Variants in ADAM17 observed in about 807,000 individuals in gnomAD.
ADAM17 encodes the protein ADAM metallopeptidase domain 17.
In ADAM17, 39 loss-of-function variants were observed where a neutral mutation model predicts 96.7. The ratio of observed to expected loss-of-function variants is 0.40; its 90% CI spans 0.31 to 0.53. The LOEUF is 0.53. ADAM17 is among the 20% of genes least tolerant of loss of function. ADAM17 has a pLI of 0.44. For missense variants in ADAM17, 777 were observed against 1,013.2 expected (o/e 0.77, Z 3.17); for synonymous variants, 344 against 359.2 (o/e 0.96, Z 0.48).
At chr2:9,505,596 A>T in intron 11 of ADAM17, 1 of 536,454 alleles carries the variant, frequency 1.9e-6, no homozygotes, top group Middle Eastern at 5.1e-4. Flanking sequence ...AGGATCTATA[A>T]TTCTTCTTAC....
chr2:9,490,961 A>G, intron 18 of ADAM17, 140 bp downstream of exon 18: 1 of 708,190 alleles, frequency 1.4e-6, no homozygotes, highest in Non-Finnish European at 2.4e-6. Context: ...AGAAGGGTAA[A>G]CATTCCAACC....
In ADAM17 at chr2:9,488,540, T is replaced by C. The variant is rs1243085592; in HGVS notation, c.*1637A>G. 4.6e-5 allele frequency: 18 copies of C among 387,846 alleles called. No homozygotes were observed. Among genetic ancestry groups the C allele is most frequent in the Non-Finnish European group, 8.2e-5 (18 of 220,122 alleles). The allele number at this position is 387,846 out of a possible 1,614,324, so 24.0% of individuals were successfully genotyped here. ...ATATCAGTGCTACAGCTATAAAATA[T>C]ACCCTGAGCAGCTTGTTAATTCTAT... On this transcript the variant is annotated 3_prime_UTR_variant, in exon 19 of 19. Coordinates refer to ENST00000310823, the MANE Select transcript of ADAM17 (RefSeq NM_003183.6).
At chr2:9,494,510 TAAC>T in intron 15 of ADAM17, 124 bp downstream of exon 15, 1 of 1,100,018 alleles carries the variant, frequency 9.1e-7, no homozygotes, top group Admixed American at 2.4e-5. Context: ...TACCCGTAGA[TAAC>T]AATGGGCCAG....
intron 14 of ADAM17, among the ~76,000 whole-genome samples, chr2:9,495,648 A>T (rs1413874915): frequency 6.6e-6 from 1 of 150,720 alleles, no homozygotes; most frequent in Non-Finnish European, 1.5e-5. Flanking sequence ...CGGGAGGCGG[A>T]GGCTGCGGTG....
chr2:9,528,675 T>G (rs1350261891), intron 4 of ADAM17, among the ~76,000 whole-genome samples: 1 of 152,150 alleles, frequency 6.6e-6, no homozygotes, highest in African/African-American at 2.4e-5. Flanking sequence ...AGGCAGTTTG[T>G]GGGGGGACAC....
At chr2:9,491,818 G>T (rs1298556993) in intron 17 of ADAM17, among the ~76,000 whole-genome samples, 3 of 152,216 alleles carry the variant, frequency 2.0e-5, no homozygotes, top group Non-Finnish European at 4.4e-5. Context: ...AACAAGCCAT[G>T]GCCCTCCCTC....
At chr2:9,505,986 A>G (rs936465843) in intron 11 of ADAM17, among the ~76,000 whole-genome samples, 2 of 152,156 alleles carry the variant, frequency 1.3e-5, no homozygotes, top group African/African-American at 2.4e-5. Flanking sequence ...AAGTCTCTAC[A>G]CTACCTTCCC....
At chr2:9,494,953 C>A (rs1383103044) in intron 14 of ADAM17, 186 bp from the exon 15 acceptor site, 2 of 572,678 alleles carry the variant, frequency 3.5e-6, no homozygotes, top group East Asian at 6.4e-5. Context: ...CCTCAGCCTT[C>A]AGTGACAGAG....
At chr2:9,525,021 T>A in intron 6 of ADAM17, among the ~76,000 whole-genome samples, 1 of 147,498 alleles carries the variant, frequency 6.8e-6, no homozygotes. Context: ...AACAAAGAAG[T>A]AAAATAAGAG....
At position 9,521,283 on chromosome 2, in the gene ADAM17, G is replaced by A. The variant is rs1664297810; in HGVS notation, c.877C>T (p.Pro293Ser). 1.9e-6 allele frequency: 3 copies of A among 1,611,230 alleles called. No homozygotes were observed. The highest frequency in any genetic ancestry group is 2.5e-6 in the Non-Finnish European group (3 of 1,177,636). The change falls in exon 8 of 19, where the codon CCT (proline) becomes TCT (serine). Residue 293 changes from proline (P) to serine (S), a missense_variant. Coordinates refer to ENST00000310823, the MANE Select transcript of ADAM17 (RefSeq NM_003183.6). ...RILKSPQEVK[P>S]GEKHYNMAKS... ...GCCATGTTGTAGTGCTTTTCACCAG[G>A]TTTTACCTCTTGTGGAGACTTGAGA...
At chr2:9,494,841 C>G (rs1662445739) in intron 14 of ADAM17, 74 bp from the exon 15 acceptor site, 2 of 1,562,840 alleles carry the variant, frequency 1.3e-6, no homozygotes, top group South Asian at 2.3e-5. Flanking sequence ...TCTTTCCTCC[C>G]TGACCATGCT....
intron 14 of ADAM17, among the ~76,000 whole-genome samples, chr2:9,495,077 T>C (rs1019162377): frequency 6.6e-6 from 1 of 152,228 alleles, no homozygotes; most frequent in South Asian, 2.1e-4. Context: ...TTCTAAATGC[T>C]TCCCTTTGTC....
intron 11 of ADAM17, 178 bp from the exon 12 acceptor site, chr2:9,505,543 C>G (rs547695124): frequency 1.6e-6 from 1 of 624,542 alleles, no homozygotes; most frequent in South Asian, 2.0e-5. Flanking sequence ...GAACTGGGAA[C>G]CTCCCTCCAT....
rs1481205481 is a variant in ADAM17, at chr2:9,504,287, T to C, written c.1544+879A>G. On this transcript the variant is annotated intron_variant, in intron 12 of 18. Transcript: ENST00000310823. ...TGCTAAAACTCCGTCTCTACTAAAA[T>C]ACAAAAAATCAGCCAGGCGTGATGG... is the stretch of plus-strand genomic sequence containing the variant. Among the ~76,000 whole-genome samples, 3 of 148,834 alleles carry C rather than the reference T, an allele frequency of 2.0e-5. No individual in the cohort carries two copies. The East Asian group carries it at 6.0e-4, about 30-fold the overall frequency.
intron 7 of ADAM17, chr2:9,522,379 G>C: frequency 1.8e-6 from 1 of 563,638 alleles, no homozygotes; most frequent in Non-Finnish European, 3.3e-6. Context: ...TAAACAGGCT[G>C]CAGAGACTTA....
At chr2:9,493,078 C>G (rs1454302604) in intron 16 of ADAM17, 92 bp from the exon 17 acceptor site, 11 of 1,058,290 alleles carry the variant, frequency 1.0e-5, no homozygotes, top group Admixed American at 1.0e-4. Flanking sequence ...GTGTCAAATG[C>G]CAGAGCTGCT....
intron 17 of ADAM17, among the ~76,000 whole-genome samples, chr2:9,491,820 C>T (rs1160315815): frequency 6.6e-6 from 1 of 152,210 alleles, no homozygotes; most frequent in African/African-American, 2.4e-5. Context: ...CAAGCCATGG[C>T]CCTCCCTCCT....
intron 10 of ADAM17, among the ~76,000 whole-genome samples, chr2:9,514,152 T>TA (rs1663901202): frequency 6.6e-6 from 1 of 151,880 alleles, no homozygotes. Flanking sequence ...ATGTGGCACA[T>TA]ATACACCATG....
chr2:9,496,891 C>G (rs1392831539), intron 14 of ADAM17, among the ~76,000 whole-genome samples: 1 of 152,192 alleles, frequency 6.6e-6, no homozygotes, highest in Non-Finnish European at 1.5e-5. Context: ...TGGCCTGAAA[C>G]TGCAGCAAGA....
Sources: allele counts gnomAD v4.1 joint callset (sites outside exome capture counted in the v4.1 genomes callset), GRCh38; gene constraint gnomAD v4.1.1; transcripts MANE v1.5; gene names NCBI Gene and HGNC (gene_info 2026-07-23, HGNC 2026-07-21).